Variants in PRELID2 observed in about 807,000 individuals in gnomAD.
The protein encoded by PRELID2 is PRELI domain-containing protein 2.
In PRELID2, 25 loss-of-function variants were observed where a neutral mutation model predicts 28.4. The observed-to-expected ratio is 0.88, with a 90% CI of 0.64 to 1.23. The LOEUF is 1.23. Among genes scored for constraint, PRELID2 ranks in the 50% most tolerant of loss-of-function variants. PRELID2 has a pLI of 0.00. For synonymous variants in PRELID2, 76 were observed against 71.6 expected (o/e 1.06, Z -0.31); for missense variants, 201 against 214.4 (o/e 0.94, Z 0.39).
At chr5:145,415,281 T>C in the PRELID2 span, among the ~76,000 whole-genome samples, 1 of 151,964 alleles carries the variant, frequency 6.6e-6, no homozygotes, top group Non-Finnish European at 1.5e-5. Flanking sequence ...TCTTTTTTTC[T>C]TTTTTTTATT....
At chr5:145,240,631 C>T in the PRELID2 span, among the ~76,000 whole-genome samples, 5 of 151,872 alleles carry the variant, frequency 3.3e-5, no homozygotes, top group Admixed American at 1.3e-4. Context: ...TGTCTTTCTA[C>T]GTACAACTTC....
the PRELID2 span, among the ~76,000 whole-genome samples, chr5:145,254,711 G>T: frequency 6.6e-6 from 1 of 151,922 alleles, no homozygotes; most frequent in Non-Finnish European, 1.5e-5. Context: ...GAGGTATAAG[G>T]GTAGAGAAAG....
chr5:145,254,430 A>G, the PRELID2 span, among the ~76,000 whole-genome samples: 1 of 152,256 alleles, frequency 6.6e-6, no homozygotes, highest in African/African-American at 2.4e-5. Flanking sequence ...CAAGTATGTG[A>G]GCCCCAATCT....
chr5:145,690,557 G>A (rs2217647), intron 1 of PRELID2, among the ~76,000 whole-genome samples: 2,559 of 152,258 alleles, frequency 0.017, 74 homozygotes, highest in African/African-American at 0.058. Context: ...TTGAATATAG[G>A]GATGCTACAT....
chr5:145,725,984 A>C (rs573235551), intron 1 of PRELID2, among the ~76,000 whole-genome samples: 29 of 152,150 alleles, frequency 1.9e-4, no homozygotes, highest in African/African-American at 7.0e-4. Context: ...GGAGTTTGAG[A>C]CCAGCTAGGG....
Position 145,759,381 on chromosome 5 carries a change from G to A in PRELID2, c.*1155C>T, listed in dbSNP as rs1054953792. Reference sequence around the variant, plus strand: ...TTAGGTAGTATGTATTTATATTTTGGCTTCTGATCACGAGAAATGCAAACT... The same window carrying A: ...TTAGGTAGTATGTATTTATATTTTGACTTCTGATCACGAGAAATGCAAACT... On this transcript the variant is annotated 3_prime_UTR_variant, in exon 7 of 7. Transcript: ENST00000683046. 3 of 151,906 alleles carry A rather than the reference G, an allele frequency of 2.0e-5. No homozygotes were observed. The highest frequency in any genetic ancestry group is 4.4e-5 in the Non-Finnish European group (3 of 67,982). The allele number at this position is 151,906 out of a possible 1,614,324, so 9.4% of individuals were successfully genotyped here. A position where few individuals can be genotyped will look rare whatever the true frequency, so the allele number is the denominator to read the frequency against.
At chr5:145,395,481 C>T in the PRELID2 span, among the ~76,000 whole-genome samples, 1 of 152,104 alleles carries the variant, frequency 6.6e-6, no homozygotes, top group Non-Finnish European at 1.5e-5. Flanking sequence ...GCCGGAAAAA[C>T]AGTGAAACCA....
At position 145,812,185 on chromosome 5, in the gene PRELID2, T is replaced by C. The variant is rs544437760; in HGVS notation, c.368+5709A>G. ...TAGGAGACAGGTTCCCTCCTCTACA[T>C]AGCTCTTTCTCTCATTAAATGTGGA... On this transcript the variant is annotated intron_variant, in intron 4 of 6. Transcript: ENST00000683046. 2.3e-4 allele frequency among the ~76,000 whole-genome samples: 35 copies of C among 152,210 alleles called. 1 individual carries two copies. In the South Asian group the frequency reaches 7.1e-3, roughly 31 times the overall value.
intron 1 of PRELID2, among the ~76,000 whole-genome samples, chr5:145,551,583 T>C (rs1017168345): frequency 1.3e-5 from 2 of 152,188 alleles, no homozygotes; most frequent in African/African-American, 4.8e-5. Context: ...AAAATTTACC[T>C]TTGACTGATT....
At chr5:145,376,312 A>AT in the PRELID2 span, among the ~76,000 whole-genome samples, 1 of 152,040 alleles carries the variant, frequency 6.6e-6, no homozygotes, top group Admixed American at 6.5e-5. Flanking sequence ...TTCATTGAAG[A>AT]TTTTTTCATC....
intron 1 of PRELID2, among the ~76,000 whole-genome samples, chr5:145,483,769 A>C (rs1175836839): frequency 1.3e-5 from 2 of 152,206 alleles, no homozygotes; most frequent in African/African-American, 4.8e-5. Flanking sequence ...CTATGTCCTT[A>C]CCTATCACAA....
At chr5:145,411,045 C>T in the PRELID2 span, among the ~76,000 whole-genome samples, 1 of 152,038 alleles carries the variant, frequency 6.6e-6, no homozygotes, top group African/African-American at 2.4e-5. Context: ...AGTCTCCATG[C>T]AAGTGTGAAC....
Position 145,729,245 on chromosome 5 carries a change from T to C in PRELID2, n.70+35686A>G, listed in dbSNP as rs1756264762. ...CCCTGAATCTTACAATGAATGATGC[T>C]GCAAAAATTGCTAACATACCAAAAT... On this transcript the variant is annotated intron_variant and non_coding_transcript_variant, in intron 1 of 2. Coordinates refer to the PRELID2 transcript ENST00000510259. 6 of 1,008,886 alleles carry C rather than the reference T, an allele frequency of 5.9e-6. No homozygotes were observed. The South Asian group carries it at 8.0e-5, about 13-fold the overall frequency. The allele number at this position is 1,008,886 out of a possible 1,614,324, so 62.5% of individuals were successfully genotyped here.
At chr5:145,818,859 T>C (rs1754558561) in intron 3 of PRELID2, among the ~76,000 whole-genome samples, 1 of 152,222 alleles carries the variant, frequency 6.6e-6, no homozygotes, top group Admixed American at 6.5e-5. Flanking sequence ...CCACATCTGA[T>C]ATGGTTTGGC....
At chr5:145,791,762 CA>C (rs1234357409) in intron 5 of PRELID2, among the ~76,000 whole-genome samples, 4 of 152,134 alleles carry the variant, frequency 2.6e-5, no homozygotes, top group Non-Finnish European at 5.9e-5. Context: ...CAATAAAAAA[CA>C]AACTTTTAAT....
At chr5:145,669,775 C>T (rs1433420108) in intron 1 of PRELID2, among the ~76,000 whole-genome samples, 1 of 152,108 alleles carries the variant, frequency 6.6e-6, no homozygotes, top group Non-Finnish European at 1.5e-5. Context: ...TCATGATTTT[C>T]ACATGCTAGT....
At chr5:145,611,431 T>A (rs1180595787) in intron 1 of PRELID2, among the ~76,000 whole-genome samples, 1 of 152,138 alleles carries the variant, frequency 6.6e-6, no homozygotes, top group African/African-American at 2.4e-5. Context: ...CCCAAAGTCC[T>A]AGGATTACAG....
chr5:145,405,843 C>G, the PRELID2 span, among the ~76,000 whole-genome samples: 2 of 151,448 alleles, frequency 1.3e-5, no homozygotes, highest in South Asian at 4.2e-4. Context: ...GTAGCTGGGA[C>G]TACAGGCACC....
intron 1 of PRELID2, among the ~76,000 whole-genome samples, chr5:145,539,704 AAAT>A (rs1752730759): frequency 6.6e-6 from 1 of 151,926 alleles, no homozygotes; most frequent in Non-Finnish European, 1.5e-5. Flanking sequence ...AATATCTAGT[AAAT>A]AATAAATAAA....
Sources: allele counts gnomAD v4.1 joint callset (sites outside exome capture counted in the v4.1 genomes callset), GRCh38; gene constraint gnomAD v4.1.1; transcripts MANE v1.5; gene names NCBI Gene and HGNC (gene_info 2026-07-23, HGNC 2026-07-21).